MAST4: variants seen among roughly 807,000 people sequenced by gnomAD.
MAST4 encodes microtubule-associated serine/threonine-protein kinase 4.
Under a neutral mutation model 162.7 loss-of-function variants are expected in MAST4, and 89 were observed. The ratio of observed to expected loss-of-function variants is 0.55; its 90% CI spans 0.46 to 0.65. The LOEUF (loss-of-function observed/expected upper bound fraction) is 0.65. Among genes scored for constraint, MAST4 ranks in the 30% least tolerant of loss-of-function variants. MAST4 has a pLI of 0.00. For missense variants in MAST4, 3,153 were observed against 3,374.0 expected (o/e 0.93, Z 1.62); for synonymous variants, 1,479 against 1,361.1 (o/e 1.09, Z -1.91).
In MAST4 at chr5:67,166,074, G is replaced by GAGAA. The variant is rs1773909042; in HGVS notation, c.6896_6899dup (p.Pro2301GlufsTer14). The GAGAA allele has an allele frequency of 3.7e-6, 6 of 1,613,424 alleles. No homozygotes were observed. Among genetic ancestry groups the GAGAA allele is most frequent in the Non-Finnish European group, 5.1e-6 (6 of 1,179,728 alleles). ...TGGTGGGCGGCCCCTGGAGGTGCTG[G>GAGAA]AGAAGCCTGTGCATTTGCCAAGGCC... On this transcript the variant is annotated frameshift_variant, in exon 29 of 29. Transcript: ENST00000403625. LOFTEE classifies it low-confidence loss of function (END_TRUNC).
chr5:67,123,053 T>C (rs901765976), intron 14 of MAST4, among the ~76,000 whole-genome samples: 1 of 152,210 alleles, frequency 6.6e-6, no homozygotes, highest in African/African-American at 2.4e-5. Context: ...ACCACCCCCA[T>C]TGGTTCACCC....
At chr5:66,979,399 T>C (rs1240817827) in intron 4 of MAST4, among the ~76,000 whole-genome samples, 1 of 152,008 alleles carries the variant, frequency 6.6e-6, no homozygotes, top group Admixed American at 6.6e-5. Context: ...TAGTCATTAG[T>C]TTGGGGAAGC....
chr5:66,909,681 A>G (rs890522335), intron 4 of MAST4, among the ~76,000 whole-genome samples: 3 of 152,184 alleles, frequency 2.0e-5, no homozygotes, highest in African/African-American at 7.2e-5. Flanking sequence ...TGCTTGGGTT[A>G]GAAACATAGA....
intron 4 of MAST4, among the ~76,000 whole-genome samples, chr5:66,913,536 G>C (rs1763911210): frequency 6.6e-6 from 1 of 152,078 alleles, no homozygotes. Flanking sequence ...CTGGACATTT[G>C]GGTTGTTTAT....
chr5:67,102,281 G>A (rs554897929), intron 8 of MAST4, among the ~76,000 whole-genome samples: 46 of 152,190 alleles, frequency 3.0e-4, no homozygotes, highest in South Asian at 2.3e-3. Context: ...AACTAGTATT[G>A]TATTGTAACT....
chr5:67,004,837 C>T, intron 4 of MAST4: 2 of 602,242 alleles, frequency 3.3e-6, no homozygotes, highest in Non-Finnish European at 6.0e-6. Flanking sequence ...CCAAGTTGTT[C>T]TTGAGATCAC....
chr5:66,939,459 C>T (rs770274370), intron 4 of MAST4, among the ~76,000 whole-genome samples: 2 of 152,130 alleles, frequency 1.3e-5, no homozygotes, highest in Non-Finnish European at 2.9e-5. Context: ...AGTGATATCT[C>T]ATTGTTAATT....
chr5:67,143,229 CG>C (rs1770633050), intron 21 of MAST4, among the ~76,000 whole-genome samples: 1 of 149,444 alleles, frequency 6.7e-6, no homozygotes, highest in South Asian at 2.1e-4. Context: ...AAGACCAGCC[CG>C]GGCAATATAG....
intron 3 of MAST4, among the ~76,000 whole-genome samples, chr5:66,826,607 C>T (rs148026185): frequency 2.1e-3 from 312 of 152,170 alleles, no homozygotes; most frequent in Non-Finnish European, 3.3e-3. Flanking sequence ...TCCCACCACC[C>T]CCCCCAATCC....
intron 4 of MAST4, among the ~76,000 whole-genome samples, chr5:67,032,439 C>A (rs539918132): frequency 1.3e-5 from 2 of 152,208 alleles, no homozygotes; most frequent in South Asian, 4.1e-4. Flanking sequence ...ATTAAGCATG[C>A]CTCTGTGCCA....
chr5:67,136,635 G>A lies in MAST4; in HGVS notation c.2465G>A (p.Arg822Lys), dbSNP rs369894911. 36 of 1,602,820 alleles carry A rather than the reference G, an allele frequency of 2.2e-5. No individual in the cohort carries two copies. In the African/African-American group the frequency reaches 3.2e-4, roughly 14 times the overall value. Reference sequence around the variant, plus strand: ...CAGGATCTGATTACCTTACTCCTCAGGCAGAATCCCCTGGAGAGGCTGGGA... The same window carrying A: ...CAGGATCTGATTACCTTACTCCTCAAGCAGAATCCCCTGGAGAGGCTGGGA... Reference protein sequence around the residue: ...DAQDLITLLLRQNPLERLGTG... With the variant: ...DAQDLITLLLKQNPLERLGTG... The change falls in exon 19 of 29, where the codon AGG (arginine) becomes AAG (lysine). Residue 822 changes from arginine (R) to lysine (K), a missense_variant. By Grantham distance (26) the Arg-to-Lys change is conservative. Around this residue, in one of 7 missense-constraint regions of MAST4, gnomAD observed 62 missense variants for 63.1 expected, o/e 0.98. Coordinates refer to ENST00000403625, the MANE Select transcript of MAST4 (RefSeq NM_001164664.2).
chr5:67,163,907 C>G lies in MAST4; in HGVS notation c.4728C>G (p.Val1576=). Residue 1576 remains valine (V), a synonymous_variant, in exon 29 of 29, where the codon GTC becomes GTG. Coordinates refer to ENST00000403625, the MANE Select transcript of MAST4 (RefSeq NM_001164664.2). This position sits in a 1 kb window ranked among gnomAD's most constrained non-coding sequence, Gnocchi z 7.0. The stretch of plus-strand genomic sequence containing the variant: ...AGCTGGAAGAGAGAGAGAAGAAAGT[C>G]TATCCGAAGGCTGTGGAAAGGTCAA... The part of the protein sequence containing the change: ...LFKLEEREKK[V]YPKAVERSST... The G allele has an allele frequency of 6.2e-7, 1 of 1,614,020 alleles. No homozygotes were observed. Among genetic ancestry groups the G allele is most frequent in the Non-Finnish European group, 8.5e-7 (1 of 1,179,900 alleles).
intron 2 of MAST4, among the ~76,000 whole-genome samples, chr5:66,761,834 G>C (rs1275338098): frequency 6.6e-6 from 1 of 152,118 alleles, no homozygotes; most frequent in Non-Finnish European, 1.5e-5. Flanking sequence ...CATAAATGCA[G>C]ACTATTTGCT....
At chr5:66,981,976 G>T (rs573067396) in intron 4 of MAST4, among the ~76,000 whole-genome samples, 39 of 152,216 alleles carry the variant, frequency 2.6e-4, no homozygotes, top group African/African-American at 9.4e-4. Context: ...ATTTTTTATT[G>T]TGTTTGAGGC....
Position 67,165,384 on chromosome 5 carries a change from G to A in MAST4, c.6205G>A (p.Glu2069Lys), listed in dbSNP as rs1773762023. The stretch of plus-strand genomic sequence containing the variant: ...TCTGCACTCAGCTGGAATTCCCTGT[G>A]AGAAGGAGCTGGGCAAGGTGAGGCG... ...SSLHSAGIPC[E>K]KELGKVRRGV... The change falls in exon 29 of 29, where the codon GAG becomes AAG. Residue 2069 changes from glutamate to lysine, a missense_variant. This residue lies in a region of MAST4 where 1,644 missense variants were observed against 1,495.0 expected (regional missense o/e 1.10). Transcript: ENST00000403625. The A allele has an allele frequency of 6.2e-7, 1 of 1,613,642 alleles. No individual in the cohort carries two copies. Among genetic ancestry groups the A allele is most frequent in the South Asian group, 1.1e-5 (1 of 91,092 alleles).
intron 26 of MAST4, among the ~76,000 whole-genome samples, chr5:67,158,798 G>A (rs1772850783): frequency 6.6e-6 from 1 of 152,202 alleles, no homozygotes. Flanking sequence ...ACTTTGGGAG[G>A]CCAACGCAGG....
chr5:66,881,857 AAAAC>A lies in MAST4; in HGVS notation c.643-18091_643-18088del, dbSNP rs376670911. Among the ~76,000 whole-genome samples, 390 of 152,348 alleles carry A rather than the reference AAAAC, an allele frequency of 2.6e-3. 3 individuals are homozygous for A. Among genetic ancestry groups the A allele is most frequent in the African/African-American group, 9.2e-3 (382 of 41,582 alleles). ...TCCCCTTACCCGTCAGGCAAAAAGA[AAAAC>A]AAGTCAAAACATAACCAGCAACTCT... On this transcript the variant is annotated intron_variant, in intron 3 of 28. Coordinates refer to ENST00000403625, the MANE Select transcript of MAST4 (RefSeq NM_001164664.2).
chr5:66,908,533 G>A (rs146515949), intron 4 of MAST4, among the ~76,000 whole-genome samples: 3 of 152,100 alleles, frequency 2.0e-5, no homozygotes, highest in Non-Finnish European at 4.4e-5. Context: ...AGTTTCGGGG[G>A]GTGTGTGTAG....
rs1742614243 is a variant in MAST4 at position 66,935,277 on chromosome 5, G to T, written c.674+35295G>T. Reference sequence around the variant, plus strand: ...AGGCATCCCCATTTCTCAACTTGCGGTTAGTCGTTAGATTTTGATACTATG... The same window carrying T: ...AGGCATCCCCATTTCTCAACTTGCGTTTAGTCGTTAGATTTTGATACTATG... On this transcript the variant is annotated intron_variant, in intron 4 of 28. Transcript: ENST00000403625. 2.6e-5 allele frequency among the ~76,000 whole-genome samples: 4 copies of T among 152,180 alleles called. No homozygotes were observed. In the South Asian group the frequency reaches 8.3e-4, roughly 32 times the overall value.
Sources: gnomAD v4.1 joint callset for allele counts (sites outside exome capture counted in the v4.1 genomes callset) on GRCh38, gnomAD v4.1.1 for gene constraint, gnomAD v4.1.1 regional missense constraint, Gnocchi (gnomAD v3.1) non-coding constraint, MANE v1.5 for transcripts, NCBI Gene and HGNC (gene_info 2026-07-23, HGNC 2026-07-21) for gene names.